IPO8: variants seen among roughly 807,000 people sequenced by gnomAD.
IPO8 encodes importin 8.
IPO8 carries 65 observed loss-of-function variants against 141.2 expected under a neutral mutation model. The ratio of observed to expected loss-of-function variants is 0.46; its 90% CI spans 0.38 to 0.57. The LOEUF (loss-of-function observed/expected upper bound fraction) is 0.57. Among genes scored for constraint, IPO8 ranks in the 20% least tolerant of loss-of-function variants. The pLI is 0.00. For synonymous variants in IPO8, 411 were observed against 420.3 expected (o/e 0.98, Z 0.27); for missense variants, 980 against 1,246.8 (o/e 0.79, Z 3.22).
intron 16 of IPO8, 79 bp from the exon 17 acceptor site, chr12:30,656,829 C>T (rs1052286624): frequency 1.1e-5 from 7 of 657,066 alleles, no homozygotes; most frequent in African/African-American, 7.7e-5. Context: ...ATAAAAATAT[C>T]AAGAGGACAT....
intron 19 of IPO8, among the ~76,000 whole-genome samples, chr12:30,650,103 A>G (rs1242603363): frequency 6.6e-6 from 1 of 152,000 alleles, no homozygotes; most frequent in Non-Finnish European, 1.5e-5. Flanking sequence ...AAAAAAGCAA[A>G]ACATTAAAAA....
At chr12:30,648,962 AG>A (rs1354916323) in intron 20 of IPO8, among the ~76,000 whole-genome samples, 174 bp downstream of exon 20, 5 of 152,134 alleles carry the variant, frequency 3.3e-5, no homozygotes, top group Admixed American at 1.3e-4. Flanking sequence ...CTACAATGCA[AG>A]GTACGGTTTC....
intron 1 of IPO8, 138 bp from the exon 2 acceptor site, chr12:30,690,715 G>A: frequency 2.0e-6 from 1 of 511,488 alleles, no homozygotes; most frequent in South Asian, 4.2e-5. Context: ...AAGGCAAAAT[G>A]AAGATTACTA....
In IPO8 at chr12:30,695,862, C is replaced by G. The variant is rs1255964228; in HGVS notation, c.-215G>C. ...CCCCCACAACTCGCTCTCCATTCAC[C>G]GTTTTACGACAGCCGGTGGGAGGCG... is the stretch of plus-strand genomic sequence containing the variant. On this transcript the variant is annotated 5_prime_UTR_variant, in exon 1 of 25. Transcript: ENST00000256079. The surrounding 1 kb of genome is among the most constrained non-coding windows in gnomAD (Gnocchi z 4.2). 2.0e-6 allele frequency: 1 copy of G among 497,666 alleles called. No homozygotes were observed. Among genetic ancestry groups the G allele is most frequent in the Non-Finnish European group, 3.6e-6 (1 of 278,066 alleles). 30.8% of individuals were successfully genotyped at this position (497,666 alleles called of 1,614,324 possible).
At chr12:30,674,207 C>CA in intron 7 of IPO8, 133 bp from the exon 8 acceptor site, 1 of 573,750 alleles carries the variant, frequency 1.7e-6, no homozygotes. Flanking sequence ...CTTTTTTTCC[C>CA]ACAAGCCACA....
chr12:30,631,512 T>C (rs2052432228), intron 24 of IPO8: 1 of 170,410 alleles, frequency 5.9e-6, no homozygotes, highest in South Asian at 1.7e-4. Context: ...AGCATTCCAT[T>C]TCCAGGAATA....
At chr12:30,634,438 A>G in intron 22 of IPO8, 152 bp from the exon 23 acceptor site, 1 of 599,580 alleles carries the variant, frequency 1.7e-6, no homozygotes, top group East Asian at 2.8e-5. Flanking sequence ...TCCCTGGTCT[A>G]AAGAGGAGAG....
chr12:30,652,887 A>G (rs2136140574), intron 18 of IPO8, 80 bp downstream of exon 18: 1 of 1,217,214 alleles, frequency 8.2e-7, no homozygotes, highest in East Asian at 2.4e-5. Context: ...TTGGAATCAT[A>G]TGTGTTTTTA....
chr12:30,695,735 G>A lies in IPO8; in HGVS notation c.-88C>T, dbSNP rs1217069352. The stretch of plus-strand genomic sequence containing the variant: ...TTTGACCCTCTCAGCCTCCTCTTCC[G>A]CGACCCCTGGATTACCTCACACCCC... On this transcript the variant is annotated 5_prime_UTR_variant, in exon 1 of 25. Transcript: ENST00000256079. This position sits in a 1 kb window ranked among gnomAD's most constrained non-coding sequence, Gnocchi z 4.2. The A allele has an allele frequency of 1.6e-5, 20 of 1,259,906 alleles. No individual in the cohort carries two copies. In the Middle Eastern group the frequency reaches 5.6e-4, roughly 36 times the overall value. 78.0% of individuals were successfully genotyped at this position (1,259,906 alleles called of 1,614,324 possible).
chr12:30,650,052 C>A (rs570541190), intron 19 of IPO8, among the ~76,000 whole-genome samples: 1 of 148,828 alleles, frequency 6.7e-6, no homozygotes, highest in African/African-American at 2.5e-5. Context: ...AAAGACTTAA[C>A]GAAGTAAGAA....
intron 6 of IPO8, 28 bp downstream of exon 6, chr12:30,676,470 A>C: frequency 6.5e-7 from 1 of 1,537,942 alleles, no homozygotes. Flanking sequence ...CGTTTCCCCT[A>C]TTTTTCTTGG....
chr12:30,668,311 C>CA (rs764210202), intron 10 of IPO8, among the ~76,000 whole-genome samples: 5 of 152,092 alleles, frequency 3.3e-5, no homozygotes, highest in Non-Finnish European at 7.4e-5. Flanking sequence ...AAACACAGCC[C>CA]AAAAAACTAG....
At chr12:30,633,968 C>T in intron 23 of IPO8, 115 bp downstream of exon 23, 3 of 863,422 alleles carry the variant, frequency 3.5e-6, no homozygotes, top group Non-Finnish European at 5.3e-6. Context: ...AAGGAATAAA[C>T]AAAAAAATTT....
Position 30,674,726 on chromosome 12 carries a change from T to G in IPO8, c.757A>C (p.Arg253=). The G allele has an allele frequency of 6.2e-7, 1 of 1,613,550 alleles. No homozygotes were observed. The highest frequency in any genetic ancestry group is 1.1e-5 in the South Asian group (1 of 91,072). The part of the protein sequence containing the change: ...PETLHIDEDD[R]PELVWWKCKK... ...CACTTCCACCATACCAGTTCTGGTC[T>G]ATCATCCTCATCAATGTGCAGAGTC... The change falls in exon 7 of 25, where the codon AGA becomes CGA. Residue 253 remains arginine, a synonymous_variant. Coordinates refer to ENST00000256079, the MANE Select transcript of IPO8 (RefSeq NM_006390.4).
Position 30,640,845 on chromosome 12 carries a change from G to A in IPO8, c.2269-1110C>T, listed in dbSNP as rs147465852. On this transcript the variant is annotated intron_variant, in intron 20 of 24. Transcript: ENST00000256079. ...GTAATACATAGTTTCAAATAGCTAG[G>A]AGGAGGACATTGAATGTTCTCAACA... Among the ~76,000 whole-genome samples, 10 of 152,214 alleles carry A rather than the reference G, an allele frequency of 6.6e-5. No homozygotes were observed. The East Asian group carries it at 1.9e-3, about 29-fold the overall frequency.
chr12:30,673,900 T>C, intron 8 of IPO8, 90 bp downstream of exon 8: 1 of 681,234 alleles, frequency 1.5e-6, no homozygotes. Flanking sequence ...TGTAATGAAT[T>C]AGTATGTTTG....
rs1027849975 is a variant in IPO8 at position 30,631,809 on chromosome 12, GT to G, written c.3016+85del. On this transcript the variant is annotated intron_variant, in intron 24 of 24. Coordinates refer to ENST00000256079, the MANE Select transcript of IPO8 (RefSeq NM_006390.4). Reference sequence around the variant, plus strand: ...AGTCTCTAACAATTTCAAAAACAGTGTTTAGGTGCCACCTGGCTCATCAAAT... The same window carrying G: ...AGTCTCTAACAATTTCAAAAACAGTGTTAGGTGCCACCTGGCTCATCAAAT... 2.5e-5 allele frequency: 19 copies of G among 774,422 alleles called. No homozygotes were observed. In the African/African-American group the frequency reaches 2.6e-4, roughly 10 times the overall value. The allele number at this position is 774,422 out of a possible 1,614,324, so 48.0% of individuals were successfully genotyped here.
chr12:30,676,639 C>G, intron 5 of IPO8, 52 bp from the exon 6 acceptor site: 4 of 1,335,580 alleles, frequency 3.0e-6, no homozygotes, highest in Non-Finnish European at 4.3e-6. Flanking sequence ...CCAAAAAAAT[C>G]AGCAATTTTA....
chr12:30,640,787 T>A (rs1013098699), intron 20 of IPO8, among the ~76,000 whole-genome samples: 2 of 152,192 alleles, frequency 1.3e-5, no homozygotes, highest in African/African-American at 4.8e-5. Context: ...AGTTCTGGTG[T>A]TCTATAGCAC....
Sources: allele counts gnomAD v4.1 joint callset (sites outside exome capture counted in the v4.1 genomes callset), GRCh38; gene constraint gnomAD v4.1.1; non-coding constraint Gnocchi (gnomAD v3.1); transcripts MANE v1.5; gene names NCBI Gene and HGNC (gene_info 2026-07-23, HGNC 2026-07-21).